Variants in CPPED1 observed in about 807,000 individuals in gnomAD.
The protein encoded by CPPED1 is calcineurin like phosphoesterase domain containing 1.
In CPPED1, 28 loss-of-function variants were observed where a neutral mutation model predicts 28.0. The observed-to-expected ratio is 1.00, with a 90% confidence interval of 0.74 to 1.37. CPPED1 has a LOEUF of 1.37. CPPED1 is among the 40% of genes most tolerant of loss of function. The pLI is 0.00. For synonymous variants in CPPED1, 198 were observed against 180.2 expected, an observed-to-expected ratio of 1.10 and a Z score of -0.79; for missense variants, 504 against 416.5, an observed-to-expected ratio of 1.21 and a Z score of -1.83.
At chr16:12,703,521 A>C (rs2080031200) in intron 3 of CPPED1, among the ~76,000 whole-genome samples, 2 of 152,100 alleles carry the variant, frequency 1.3e-5, no homozygotes, top group African/African-American at 4.8e-5. Flanking sequence ...ATCTCTACTA[A>C]AAGTACAAAA....
At chr16:12,668,930 C>G (rs1250194260) in intron 3 of CPPED1, among the ~76,000 whole-genome samples, 1 of 152,204 alleles carries the variant, frequency 6.6e-6, no homozygotes, top group Non-Finnish European at 1.5e-5. Flanking sequence ...GGCAATTCCT[C>G]AAATGTTAAA....
intron 2 of CPPED1, among the ~76,000 whole-genome samples, chr16:12,755,949 G>A (rs1034091590): frequency 6.6e-6 from 1 of 152,084 alleles, no homozygotes; most frequent in Non-Finnish European, 1.5e-5. Flanking sequence ...GGCTAACACG[G>A]TGAAAACCTG....
intron 1 of CPPED1, among the ~76,000 whole-genome samples, chr16:12,801,421 G>A (rs1159862313): frequency 2.0e-5 from 3 of 151,736 alleles, no homozygotes; most frequent in Admixed American, 1.3e-4. Flanking sequence ...GTGAGCCACC[G>A]CAGCCAGCCC....
At chr16:12,792,058 T>G (rs1452382124) in intron 1 of CPPED1, among the ~76,000 whole-genome samples, 13 of 151,950 alleles carry the variant, frequency 8.6e-5, no homozygotes. Flanking sequence ...TTCAAGCAAT[T>G]CTCCTGCCTC....
intron 1 of CPPED1, among the ~76,000 whole-genome samples, chr16:12,787,064 G>C (rs539419662): frequency 6.6e-6 from 1 of 152,190 alleles, no homozygotes; most frequent in South Asian, 2.1e-4. Context: ...ATACATACAC[G>C]TTTTCCAGTG....
At chr16:12,798,515 C>T (rs1456149212) in intron 1 of CPPED1, among the ~76,000 whole-genome samples, 5 of 152,148 alleles carry the variant, frequency 3.3e-5, no homozygotes, top group Non-Finnish European at 7.3e-5. Flanking sequence ...TTTTTACTGA[C>T]ACTATTCTCT....
At position 12,664,948 on chromosome 16, in the gene CPPED1, G is replaced by C; in HGVS notation, c.883C>G (p.Leu295Val). The C allele has an allele frequency of 6.2e-7, 1 of 1,611,338 alleles. No homozygotes were observed. The highest frequency in any genetic ancestry group is 8.5e-7 in the Non-Finnish European group (1 of 1,179,080). The change falls in exon 4 of 4, where the codon CTA becomes GTA. Residue 295 changes from leucine (L) to valine (V), a missense_variant. Physicochemically the swap from Leu to Val is conservative, Grantham distance 32. Coordinates refer to ENST00000381774, the MANE Select transcript of CPPED1 (RefSeq NM_018340.3). This position sits in a 1 kb window ranked among gnomAD's most constrained non-coding sequence, Gnocchi z 4.2. ...ATTCCTTTCTCACTCAGCTCATCTA[G>C]ACTGTAGTATCGGTGAACAATTTTC... is the stretch of plus-strand genomic sequence containing the variant. ...AEKIVHRYYS[L>V]DELSEKGIED...
intron 2 of CPPED1, among the ~76,000 whole-genome samples, chr16:12,768,088 T>A (rs2080449659): frequency 6.6e-6 from 1 of 152,256 alleles, no homozygotes; most frequent in African/African-American, 2.4e-5. Context: ...TAGATACGGA[T>A]AAGATGTTGT....
At chr16:12,707,227 A>G (rs905788121) in intron 2 of CPPED1, among the ~76,000 whole-genome samples, 1 of 152,146 alleles carries the variant, frequency 6.6e-6, no homozygotes, top group African/African-American at 2.4e-5. Context: ...TTTCTCAAAG[A>G]CCTCAAAGCC....
chr16:12,704,763 C>T lies in CPPED1; in HGVS notation c.576G>A (p.Ala192=), dbSNP rs760040047. The T allele has an allele frequency of 2.1e-5, 34 of 1,614,196 alleles. No individual in the cohort carries two copies. In the East Asian group the frequency reaches 4.0e-4, roughly 19 times the overall value. ...TGGCATGCTGGCAGTGCCGCTGCCT[C>T]GCGATGCTCAGCTGCTCGTCCAGCC... is the stretch of plus-strand genomic sequence containing the variant. ...DQWLDEQLSI[A]RQRHCQHAIV... The change falls in exon 3 of 4, where the codon GCG becomes GCA. Residue 192 remains alanine, a synonymous_variant. Coordinates refer to ENST00000381774, the MANE Select transcript of CPPED1 (RefSeq NM_018340.3).
chr16:12,784,315 C>G (rs73508447), intron 1 of CPPED1, among the ~76,000 whole-genome samples: 18,487 of 152,178 alleles, frequency 0.12, 1,291 homozygotes, highest in African/African-American at 0.18. Context: ...TTTCAGATGA[C>G]ACCACAGCCC....
At chr16:12,676,512 G>C (rs796503677) in intron 3 of CPPED1, among the ~76,000 whole-genome samples, 3 of 152,170 alleles carry the variant, frequency 2.0e-5, no homozygotes, top group Admixed American at 1.3e-4. Context: ...GGAATGAGGC[G>C]AGGACAGGTT....
intron 3 of CPPED1, among the ~76,000 whole-genome samples, chr16:12,694,845 C>T (rs932107093): frequency 6.6e-6 from 1 of 151,794 alleles, no homozygotes; most frequent in African/African-American, 2.4e-5. Context: ...TGGCACGATC[C>T]CTGTTCACTG....
chr16:12,718,742 C>G (rs1313841359), intron 2 of CPPED1, among the ~76,000 whole-genome samples: 1 of 151,958 alleles, frequency 6.6e-6, no homozygotes, highest in East Asian at 1.9e-4. Context: ...GTGGGCAGAT[C>G]ACTTGAGGTC....
intron 2 of CPPED1, among the ~76,000 whole-genome samples, chr16:12,768,797 T>C (rs994861614): frequency 6.6e-6 from 1 of 152,150 alleles, no homozygotes. Flanking sequence ...GGATTTTTTT[T>C]CCCATCACAT....
intron 2 of CPPED1, among the ~76,000 whole-genome samples, chr16:12,719,971 C>T (rs1007366089): frequency 6.6e-6 from 1 of 151,960 alleles, no homozygotes; most frequent in African/African-American, 2.4e-5. Context: ...TATATAAATA[C>T]GTGTACGTTA....
At chr16:12,756,140 A>C (rs2080366285) in intron 2 of CPPED1, among the ~76,000 whole-genome samples, 1 of 151,768 alleles carries the variant, frequency 6.6e-6, no homozygotes, top group African/African-American at 2.4e-5. Flanking sequence ...AAAAAAACAA[A>C]AAAAAATCGG....
chr16:12,719,377 C>T (rs1165479312), intron 2 of CPPED1, among the ~76,000 whole-genome samples: 2 of 146,706 alleles, frequency 1.4e-5, no homozygotes, highest in Non-Finnish European at 1.5e-5. Flanking sequence ...GGCGAAAGAG[C>T]GAGACTGCGT....
chr16:12,701,740 G>A (rs1229441655), intron 3 of CPPED1, among the ~76,000 whole-genome samples: 1 of 152,234 alleles, frequency 6.6e-6, no homozygotes, highest in Admixed American at 6.5e-5. Flanking sequence ...TAAGAGCAGA[G>A]TGGGGAGCAC....
Sources: gnomAD v4.1 joint callset for allele counts (sites outside exome capture counted in the v4.1 genomes callset) on GRCh38, gnomAD v4.1.1 for gene constraint, Gnocchi (gnomAD v3.1) non-coding constraint, MANE v1.5 for transcripts, NCBI Gene and HGNC (gene_info 2026-07-23, HGNC 2026-07-21) for gene names.